Variants in CCR3 observed in about 807,000 individuals in gnomAD.
The protein encoded by CCR3 is C-C motif chemokine receptor 3.
For synonymous variants in CCR3, 203 were observed against 179.2 expected, an observed-to-expected ratio of 1.13 and a Z score of -1.06; for missense variants, 419 against 437.5, an observed-to-expected ratio of 0.96 and a Z score of 0.38.
intron 2 of CCR3, among the ~76,000 whole-genome samples, chr3:46,235,969 G>A (rs906112463): frequency 1.3e-5 from 2 of 152,166 alleles, no homozygotes; most frequent in Non-Finnish European, 2.9e-5. Flanking sequence ...GGACTGGTTT[G>A]TTAACTCTTT....
At chr3:46,254,462 T>A (rs961275663) in intron 1 of CCR3, among the ~76,000 whole-genome samples, 4 of 148,718 alleles carry the variant, frequency 2.7e-5, no homozygotes, top group African/African-American at 7.6e-5. Context: ...GGAAGTATTT[T>A]TCCCCCCTGG....
At chr3:46,249,835 G>A (rs369366800) in intron 1 of CCR3, among the ~76,000 whole-genome samples, 46 of 152,114 alleles carry the variant, frequency 3.0e-4, no homozygotes, top group African/African-American at 9.9e-4. Context: ...TGGGGATGTG[G>A]CTGGGGTTTG....
intron 2 of CCR3, among the ~76,000 whole-genome samples, chr3:46,233,832 A>T (rs1699994486): frequency 6.6e-6 from 1 of 152,238 alleles, no homozygotes; most frequent in East Asian, 1.9e-4. Flanking sequence ...CGGCAGTACC[A>T]TGCCGGAAAA....
At chr3:46,219,950 A>G (rs1308316184) in intron 2 of CCR3, among the ~76,000 whole-genome samples, 1 of 152,236 alleles carries the variant, frequency 6.6e-6, no homozygotes, top group East Asian at 1.9e-4. Context: ...CATGTCCAAG[A>G]ACCCAAAAGC....
upstream of CCR3, among the ~76,000 whole-genome samples, chr3:46,241,594 AATGCT>A (rs1481291779): frequency 6.6e-6 from 1 of 152,208 alleles, no homozygotes; most frequent in Non-Finnish European, 1.5e-5. Context: ...GTTCCACGGC[AATGCT>A]ATGACTTAAA....
intron 2 of CCR3, among the ~76,000 whole-genome samples, chr3:46,213,636 C>A (rs1699741421): frequency 6.6e-6 from 1 of 152,172 alleles, no homozygotes; most frequent in Non-Finnish European, 1.5e-5. Context: ...CTTGTCTTCC[C>A]CATACCTTGG....
chr3:46,258,316 A>G (rs1458310841), intron 1 of CCR3, among the ~76,000 whole-genome samples: 1 of 152,244 alleles, frequency 6.6e-6, no homozygotes, highest in Non-Finnish European at 1.5e-5. Context: ...AACACGATGC[A>G]ACTAACATTA....
chr3:46,243,000 T>C (rs370941401), intron 1 of CCR3, among the ~76,000 whole-genome samples: 6 of 106,798 alleles, frequency 5.6e-5, no homozygotes, highest in African/African-American at 1.4e-4. Flanking sequence ...TATATATATA[T>C]ATACGCACAC....
chr3:46,238,633 C>A (rs957393523), upstream of CCR3, among the ~76,000 whole-genome samples: 4 of 152,102 alleles, frequency 2.6e-5, no homozygotes, highest in African/African-American at 9.7e-5. Context: ...TTTATTAGTG[C>A]GTGGAAGTGT....
rs147351290 is a variant in CCR3 at position 46,216,006 on chromosome 3, C to G, written c.-68+5099C>G. ...TGGTTCCAGCACTGAGTTGGTGAAG[C>G]TGTGGAGGAAAAGTCATGCCTGCCT... On this transcript the variant is annotated intron_variant, in intron 2 of 3. Coordinates refer to the CCR3 transcript ENST00000357422. 1.6e-3 allele frequency among the ~76,000 whole-genome samples: 247 copies of G among 152,296 alleles called. 1 individual carries two copies. The highest frequency in any genetic ancestry group is 3.0e-3 in the Non-Finnish European group (202 of 68,022).
rs58623050 is a variant in CCR3 at position 46,252,169 on chromosome 3, C to CTTTT, written c.-12+9652_-12+9655dup. ...CAATAGCCATGAGGCTAGTTTCTGTCTTTTTTTTTTTTTTTTTTTTTTTTG... is the reference window on the plus strand; with the variant it reads ...CAATAGCCATGAGGCTAGTTTCTGTCTTTTTTTTTTTTTTTTTTTTTTTTTTTTG... On this transcript the variant is annotated intron_variant, in intron 1 of 1. Transcript: ENST00000395940. 3.9e-3 allele frequency among the ~76,000 whole-genome samples: 336 copies of CTTTT among 86,834 alleles called. 3 individuals carry two copies. Among genetic ancestry groups the CTTTT allele is most frequent in the African/African-American group, 5.7e-3 (134 of 23,328 alleles). 57.0% of individuals were successfully genotyped at this position (86,834 alleles called of 152,430 possible).
chr3:46,221,439 AT>A (rs956324877), intron 2 of CCR3, among the ~76,000 whole-genome samples: 1 of 152,210 alleles, frequency 6.6e-6, no homozygotes, highest in Non-Finnish European at 1.5e-5. Context: ...CTGGGGCCTG[AT>A]TCCCTAGTTG....
intron 2 of CCR3, among the ~76,000 whole-genome samples, chr3:46,237,169 C>T (rs1041954963): frequency 3.3e-5 from 5 of 152,184 alleles, no homozygotes; most frequent in African/African-American, 1.2e-4. Flanking sequence ...AATAGTGCTG[C>T]AGTAAACACG....
chr3:46,265,188 C>T lies in CCR3; in HGVS notation c.30C>T (p.Thr10=), dbSNP rs1301428676. Residue 10 remains threonine, a synonymous_variant, in exon 2 of 2, where the codon ACC becomes ACT. Coordinates refer to ENST00000395940, the MANE Select transcript of CCR3 (RefSeq NM_178329.3). ...CAACCTCACTAGATACAGTTGAGACCTTTGGTACCACATCCTACTATGATG... is the reference window on the plus strand; with the variant it reads ...CAACCTCACTAGATACAGTTGAGACTTTTGGTACCACATCCTACTATGATG... MTTSLDTVE[T]FGTTSYYDDV... The T allele has an allele frequency of 6.2e-7, 1 of 1,613,742 alleles. No homozygotes were observed. The highest frequency in any genetic ancestry group is 8.5e-7 in the Non-Finnish European group (1 of 1,179,804).
At chr3:46,230,396 C>T (rs1203307505) in intron 2 of CCR3, among the ~76,000 whole-genome samples, 1 of 152,110 alleles carries the variant, frequency 6.6e-6, no homozygotes, top group African/African-American at 2.4e-5. Context: ...ACTCCACCAC[C>T]CACCCCTCAG....
chr3:46,235,201 C>A (rs538880493), intron 2 of CCR3, among the ~76,000 whole-genome samples: 1 of 152,282 alleles, frequency 6.6e-6, no homozygotes, highest in South Asian at 2.1e-4. Context: ...CCCCACCTAC[C>A]CCCATATCTT....
chr3:46,225,236 G>A (rs983217696), intron 2 of CCR3, among the ~76,000 whole-genome samples: 9 of 152,338 alleles, frequency 5.9e-5, no homozygotes, highest in African/African-American at 1.9e-4. Context: ...GGGAAGAAGT[G>A]CTAGGGAACA....
chr3:46,211,792 C>T (rs917059240), intron 2 of CCR3, among the ~76,000 whole-genome samples: 2 of 152,062 alleles, frequency 1.3e-5, no homozygotes, highest in Admixed American at 1.3e-4. Flanking sequence ...TCTTCCATTG[C>T]TTTTGTCACT....
chr3:46,227,907 A>C (rs919046069), intron 2 of CCR3, among the ~76,000 whole-genome samples: 2 of 151,842 alleles, frequency 1.3e-5, no homozygotes, highest in African/African-American at 4.8e-5. Flanking sequence ...TAATGAAAAA[A>C]CTAAAACCCT....
Sources: allele counts gnomAD v4.1 joint callset (sites outside exome capture counted in the v4.1 genomes callset), GRCh38; gene constraint gnomAD v4.1.1; transcripts MANE v1.5; gene names NCBI Gene and HGNC (gene_info 2026-07-23, HGNC 2026-07-21).